AUTS2: variants seen among roughly 807,000 people sequenced by gnomAD.
AUTS2 encodes activator of transcription and developmental regulator AUTS2.
In AUTS2, 17 loss-of-function variants were observed where a neutral mutation model predicts 112.4. That is an observed-to-expected ratio of 0.15 (90% CI 0.10 to 0.23). The LOEUF (loss-of-function observed/expected upper bound fraction) is 0.23, where lower values mean the gene tolerates loss of function less well. Ranked by LOEUF, AUTS2 falls within the 10% of genes least tolerant of loss-of-function variation. The pLI is 1.00. For synonymous variants in AUTS2, 751 were observed against 702.7 expected (o/e 1.07, Z -1.09); for missense variants, 1,510 against 1,701.6 (o/e 0.89, Z 1.98).
Position 70,546,778 on chromosome 7 carries a change from C to CA in AUTS2, c.690+111006dup, listed in dbSNP as rs1388269573. On this transcript the variant is annotated intron_variant, in intron 5 of 18. Transcript: ENST00000342771. Reference sequence around the variant, plus strand: ...TGGGCGACAGAGCGAGACTCTGTCTCAAAAAAAAAGAAAAAAAAAAAATCA... The same window carrying CA: ...TGGGCGACAGAGCGAGACTCTGTCTCAAAAAAAAAAGAAAAAAAAAAAATCA... Among the ~76,000 whole-genome samples, 24 of 116,018 alleles carry CA rather than the reference C, an allele frequency of 2.1e-4. No homozygotes were observed. The East Asian group carries it at 2.4e-3, about 11-fold the overall frequency. 76.1% of individuals were successfully genotyped at this position (116,018 alleles called of 152,430 possible).
rs2129538426 is a variant in AUTS2, at chr7:70,631,586, T to C, written c.691-66983T>C. Among the ~76,000 whole-genome samples, 1 of 152,262 alleles carries C rather than the reference T, an allele frequency of 6.6e-6. No homozygotes were observed. The highest frequency in any genetic ancestry group is 1.9e-4 in the East Asian group (1 of 5,160). On this transcript the variant is annotated intron_variant, in intron 5 of 18. Coordinates refer to ENST00000342771, the MANE Select transcript of AUTS2 (RefSeq NM_015570.4). This position sits in a 1 kb window ranked among gnomAD's most constrained non-coding sequence, Gnocchi z 4.5. Reference sequence around the variant, plus strand: ...GAGGCCACAGGTTCTGTCCCAGATGTTCTCAGCACCATTTTAGCGACAAGG... The same window carrying C: ...GAGGCCACAGGTTCTGTCCCAGATGCTCTCAGCACCATTTTAGCGACAAGG...
intron 4 of AUTS2, among the ~76,000 whole-genome samples, chr7:70,219,985 T>A (rs997110573): frequency 3.9e-5 from 6 of 152,230 alleles, no homozygotes; most frequent in Admixed American, 3.9e-4. Flanking sequence ...ATTCTAGGAC[T>A]AAGACTTTAC....
chr7:70,229,148 C>T (rs534245449), intron 4 of AUTS2, among the ~76,000 whole-genome samples: 5 of 151,916 alleles, frequency 3.3e-5, no homozygotes, highest in Non-Finnish European at 7.4e-5. Flanking sequence ...CTATAGTTAC[C>T]TACATAGTTA....
chr7:69,855,072 C>A (rs1046235036), intron 1 of AUTS2, among the ~76,000 whole-genome samples: 1 of 152,138 alleles, frequency 6.6e-6, no homozygotes, highest in African/African-American at 2.4e-5. Flanking sequence ...TGGTGAAAAT[C>A]TACAGAAAAC....
intron 1 of AUTS2, among the ~76,000 whole-genome samples, chr7:69,723,224 GTATA>G (rs1271652336): frequency 6.6e-6 from 1 of 151,972 alleles, no homozygotes; most frequent in Admixed American, 6.6e-5. Flanking sequence ...GTGGTCTTGT[GTATA>G]TATAGAGTGT....
intron 3 of AUTS2, among the ~76,000 whole-genome samples, chr7:70,131,418 G>C (rs1397379443): frequency 2.0e-5 from 3 of 152,136 alleles, no homozygotes; most frequent in Non-Finnish European, 2.9e-5. Flanking sequence ...TTAAGGAAGA[G>C]TCTTGTGAAA....
chr7:69,754,884 C>T (rs1308289531), intron 1 of AUTS2, among the ~76,000 whole-genome samples: 1 of 152,160 alleles, frequency 6.6e-6, no homozygotes, highest in Admixed American at 6.5e-5. Context: ...AGGTTAATAC[C>T]TGATTACATC....
At chr7:70,486,433 T>A (rs1359678694) in intron 5 of AUTS2, among the ~76,000 whole-genome samples, 2 of 152,200 alleles carry the variant, frequency 1.3e-5, no homozygotes, top group Non-Finnish European at 2.9e-5. Flanking sequence ...AGTTAGTGCT[T>A]AATAAATGTT....
intron 2 of AUTS2, among the ~76,000 whole-genome samples, chr7:69,938,408 C>T (rs191448581): frequency 1.3e-5 from 2 of 152,270 alleles, no homozygotes; most frequent in African/African-American, 2.4e-5. Context: ...TTAGTTTTTG[C>T]TGTTGCAGGA....
chr7:70,240,534 A>G (rs1295349251), intron 4 of AUTS2, among the ~76,000 whole-genome samples: 2 of 152,162 alleles, frequency 1.3e-5, no homozygotes, highest in Non-Finnish European at 2.9e-5. Flanking sequence ...ACTCCGGTCT[A>G]GTATTACTAA....
chr7:70,158,816 T>C (rs1226063392), intron 4 of AUTS2, among the ~76,000 whole-genome samples: 2 of 152,160 alleles, frequency 1.3e-5, no homozygotes, highest in African/African-American at 4.8e-5. Context: ...GCTGGAGGAC[T>C]ATAGAGCTGA....
At chr7:70,129,634 T>G (rs2129574438) in intron 3 of AUTS2, among the ~76,000 whole-genome samples, 1 of 152,310 alleles carries the variant, frequency 6.6e-6, no homozygotes, top group Middle Eastern at 3.4e-3. Context: ...GAGTTGTAGT[T>G]CTTACTTTAA....
chr7:69,607,072 G>C (rs1792771535), intron 1 of AUTS2, among the ~76,000 whole-genome samples: 1 of 152,188 alleles, frequency 6.6e-6, no homozygotes, highest in African/African-American at 2.4e-5. Flanking sequence ...CTATTAGTAT[G>C]AGGAGGGGAG....
intron 1 of AUTS2, among the ~76,000 whole-genome samples, chr7:69,610,849 T>C (rs926504334): frequency 6.6e-6 from 1 of 152,240 alleles, no homozygotes; most frequent in African/African-American, 2.4e-5. Flanking sequence ...GTAATTTTTC[T>C]ATATGACAGT....
intron 6 of AUTS2, among the ~76,000 whole-genome samples, chr7:70,715,846 T>C (rs1042490265): frequency 2.6e-5 from 4 of 152,204 alleles, no homozygotes; most frequent in Non-Finnish European, 5.9e-5. Context: ...GCCTGTCTTT[T>C]ATTGAAGTTG....
chr7:69,918,208 A>G (rs1171812690), intron 2 of AUTS2, among the ~76,000 whole-genome samples: 1 of 152,194 alleles, frequency 6.6e-6, no homozygotes, highest in Non-Finnish European at 1.5e-5. Context: ...TAGGGAAAGG[A>G]AAATGAATTT....
At chr7:70,673,738 A>G (rs1312695218) in intron 5 of AUTS2, among the ~76,000 whole-genome samples, 1 of 152,096 alleles carries the variant, frequency 6.6e-6, no homozygotes, top group Non-Finnish European at 1.5e-5. Context: ...CTGAGAGCAG[A>G]GCCTGGGTCT....
intron 1 of AUTS2, among the ~76,000 whole-genome samples, chr7:69,673,491 G>A (rs1195811256): frequency 6.6e-6 from 1 of 152,182 alleles, no homozygotes; most frequent in Non-Finnish European, 1.5e-5. Flanking sequence ...AACCTGTTAA[G>A]GAATAATCAT....
chr7:70,738,898 G>A (rs530349579), intron 6 of AUTS2, among the ~76,000 whole-genome samples: 6 of 150,548 alleles, frequency 4.0e-5, no homozygotes, highest in African/African-American at 1.2e-4. Context: ...GGAGTATAGA[G>A]CATATTCAAA....
Sources: gnomAD v4.1 joint callset for allele counts (sites outside exome capture counted in the v4.1 genomes callset) on GRCh38, gnomAD v4.1.1 for gene constraint, Gnocchi (gnomAD v3.1) non-coding constraint, MANE v1.5 for transcripts, NCBI Gene and HGNC (gene_info 2026-07-23, HGNC 2026-07-21) for gene names.